The following GGA2 variants were observed in gnomAD, a reference collection of about 807,000 sequenced individuals.
GGA2 encodes the protein ADP-ribosylation factor-binding protein GGA2.
Under a neutral mutation model 79.5 loss-of-function variants are expected in GGA2, and 48 were observed. The observed-to-expected ratio is 0.60, with a 90% confidence interval of 0.48 to 0.77. GGA2 has a LOEUF of 0.77. Among genes scored for constraint, GGA2 ranks in the 30% least tolerant of loss-of-function variants. GGA2 has a pLI of 0.00. For synonymous variants in GGA2, 317 were observed against 302.0 expected, an observed-to-expected ratio of 1.05 and a Z score of -0.51; for missense variants, 770 against 774.0, an observed-to-expected ratio of 0.99 and a Z score of 0.06.
At chr16:23,486,199 G>A (rs1471721866) in intron 7 of GGA2, 47 bp from the exon 8 acceptor site, 2 of 1,582,004 alleles carry the variant, frequency 1.3e-6, no homozygotes, top group Non-Finnish European at 1.7e-6. Context: ...AGAAACCCTG[G>A]CTGAAGCCTG....
chr16:23,508,565 C>T lies in GGA2; in HGVS notation c.91+1756G>A, dbSNP rs1965000870. Among the ~76,000 whole-genome samples the T allele has an allele frequency of 3.3e-5, 5 of 152,172 alleles. No homozygotes were observed. The South Asian group carries it at 1.0e-3, about 32-fold the overall frequency. On this transcript the variant is annotated intron_variant, in intron 1 of 16. Transcript: ENST00000309859. ...TACAACCACATCCCTCCTTTGCTAT[C>T]AGTGGGTGCCCCTGCAGGTCTCCCC... is the stretch of plus-strand genomic sequence containing the variant.
chr16:23,480,884 C>T, intron 9 of GGA2, 114 bp from the exon 10 acceptor site: 2 of 982,576 alleles, frequency 2.0e-6, no homozygotes, highest in Non-Finnish European at 3.1e-6. Context: ...TCAGTTTATC[C>T]ACACCTCCTG....
chr16:23,511,502 C>CTT (rs561839917), upstream of GGA2, among the ~76,000 whole-genome samples: 47 of 129,406 alleles, frequency 3.6e-4, no homozygotes, highest in Middle Eastern at 0.01. Context: ...TCCTGGAACA[C>CTT]TTTTTTTTTT....
chr16:23,483,942 C>T (rs1165470140), intron 8 of GGA2, among the ~76,000 whole-genome samples: 1 of 149,696 alleles, frequency 6.7e-6, no homozygotes, highest in African/African-American at 2.5e-5. Context: ...CCACTGCGCC[C>T]GGCTGGGCTG....
chr16:23,496,651 C>T (rs1189726773), intron 1 of GGA2, among the ~76,000 whole-genome samples: 2 of 151,946 alleles, frequency 1.3e-5, no homozygotes, highest in Non-Finnish European at 2.9e-5. Flanking sequence ...AAATCACATG[C>T]CTACTAAAAT....
chr16:23,515,163 T>A (rs1000452107), upstream of GGA2, among the ~76,000 whole-genome samples: 13 of 150,976 alleles, frequency 8.6e-5, no homozygotes, highest in South Asian at 2.1e-4. Flanking sequence ...TATATATATA[T>A]AAATATGTAT....
chr16:23,472,459 A>G (rs920243190), intron 14 of GGA2, among the ~76,000 whole-genome samples: 48 of 151,658 alleles, frequency 3.2e-4, no homozygotes, highest in South Asian at 8.4e-4. Context: ...TGGCCTCCCA[A>G]CGTGCTGGGA....
intron 2 of GGA2, among the ~76,000 whole-genome samples, chr16:23,516,978 AC>A (rs1180331644): frequency 2.2e-4 from 33 of 151,942 alleles, no homozygotes; most frequent in African/African-American, 7.3e-4. Flanking sequence ...AGAGAGAAGG[AC>A]CCTGGGTCCT....
At chr16:23,486,911 A>C (rs2142127063) in intron 6 of GGA2, 121 bp from the exon 7 acceptor site, 111 of 714,698 alleles carry the variant, frequency 1.6e-4, no homozygotes, top group East Asian at 3.7e-4. Flanking sequence ...GCACCATCTC[A>C]CCAAATGGTC....
chr16:23,501,917 T>TG (rs1270240709), intron 1 of GGA2, among the ~76,000 whole-genome samples: 14 of 152,144 alleles, frequency 9.2e-5, no homozygotes, highest in African/African-American at 3.4e-4. Flanking sequence ...ACCACCTTCT[T>TG]GAACAACTCT....
intron 9 of GGA2, among the ~76,000 whole-genome samples, chr16:23,482,024 T>C (rs1567362123): frequency 6.6e-6 from 1 of 152,136 alleles, no homozygotes; most frequent in Non-Finnish European, 1.5e-5. Flanking sequence ...CCCAGCACTT[T>C]GGGAAGCCGA....
rs1965026436 is a variant in GGA2 at position 23,510,385 on chromosome 16, A to AGCC, written c.24_26dup (p.Ala9dup). On this transcript the variant is annotated inframe_insertion, in exon 1 of 17. Transcript: ENST00000309859. ...CCTGGGCCGACTCGGTTCCCGCCAC[A>AGCC]GCCGCCGCCACCGCGGTCGCCGCCA... 2 of 1,406,198 alleles carry AGCC rather than the reference A, an allele frequency of 1.4e-6. No individual in the cohort carries two copies. Among genetic ancestry groups the AGCC allele is most frequent in the East Asian group, 6.2e-5 (2 of 32,312 alleles). 87.1% of individuals were successfully genotyped at this position (1,406,198 alleles called of 1,614,324 possible).
At chr16:23,509,125 G>A (rs1965007637) in intron 1 of GGA2, among the ~76,000 whole-genome samples, 1 of 152,132 alleles carries the variant, frequency 6.6e-6, no homozygotes, top group South Asian at 2.1e-4. Flanking sequence ...GCCTTTAACA[G>A]GCTTCCTTGA....
At chr16:23,485,620 G>A (rs988889477) in intron 8 of GGA2, among the ~76,000 whole-genome samples, 1 of 152,168 alleles carries the variant, frequency 6.6e-6, no homozygotes, top group Non-Finnish European at 1.5e-5. Flanking sequence ...AACAACGCAA[G>A]GCCCATCAAC....
rs375426932 is a variant in GGA2 at position 23,487,645 on chromosome 16, G to A, written c.580-855C>T. 7.2e-5 allele frequency among the ~76,000 whole-genome samples: 11 copies of A among 152,138 alleles called. No homozygotes were observed. The South Asian group carries it at 8.3e-4, about 11-fold the overall frequency. ...AAAAGTGGGGATAATGAGGGCTGGT[G>A]ACACAGGATTGTTTCTCAGAAGTCA... is the stretch of plus-strand genomic sequence containing the variant. On this transcript the variant is annotated intron_variant, in intron 6 of 16. Coordinates refer to ENST00000309859, the MANE Select transcript of GGA2 (RefSeq NM_015044.4).
intron 1 of GGA2, among the ~76,000 whole-genome samples, chr16:23,497,000 G>A (rs1192640208): frequency 7.3e-6 from 1 of 137,612 alleles, no homozygotes; most frequent in Non-Finnish European, 1.6e-5. Flanking sequence ...GCATGTGACT[G>A]TAGTCACAGC....
upstream of GGA2, among the ~76,000 whole-genome samples, chr16:23,513,872 G>A (rs1425316846): frequency 6.6e-6 from 1 of 151,952 alleles, no homozygotes; most frequent in Non-Finnish European, 1.5e-5. Context: ...GATAACAGGT[G>A]GTCATGCCCC....
chr16:23,514,800 G>A (rs960415431), upstream of GGA2, among the ~76,000 whole-genome samples: 3 of 152,156 alleles, frequency 2.0e-5, no homozygotes, highest in Admixed American at 2.0e-4. Context: ...GAGGAAAGAT[G>A]TAAGGTATAG....
chr16:23,479,850 G>A lies in GGA2; in HGVS notation c.1044C>T (p.Pro348=), dbSNP rs765138282. The A allele has an allele frequency of 1.5e-4, 245 of 1,613,952 alleles. 1 individual carries two copies. Among genetic ancestry groups the A allele is most frequent in the Non-Finnish European group, 1.4e-5 (17 of 1,179,954 alleles). The change falls in exon 11 of 17, where the codon CCC becomes CCT. Residue 348 remains proline (P), a synonymous_variant. Transcript: ENST00000309859. ...QNPAGCMKTC[P]LIDLEVDNGP... is the part of the protein sequence containing the mutation. ...CATTGTCCACCTCCAAGTCAATCAG[G>A]GGGCAGGTCTTCATGCAGCCTGCTG...
Sources: allele counts gnomAD v4.1 joint callset (sites outside exome capture counted in the v4.1 genomes callset), GRCh38; gene constraint gnomAD v4.1.1; transcripts MANE v1.5; gene names NCBI Gene and HGNC (gene_info 2026-07-23, HGNC 2026-07-21).